Variants in ESRRG observed in about 807,000 individuals in gnomAD.
ESRRG encodes estrogen-related receptor gamma.
Under a neutral mutation model 44.0 loss-of-function variants are expected in ESRRG, and 13 were observed. That is an observed-to-expected ratio of 0.30 (90% confidence interval 0.19 to 0.47). The LOEUF (loss-of-function observed/expected upper bound fraction) is 0.47. Ranked by LOEUF, ESRRG falls within the 20% of genes least tolerant of loss-of-function variation. The pLI is 1.00. For missense variants in ESRRG, 395 were observed against 580.6 expected (o/e 0.68, Z 3.29); for synonymous variants, 215 against 214.6 (o/e 1.00, Z -0.02).
chr1:217,014,242 G>A (rs1415386299), intron 1 of ESRRG, among the ~76,000 whole-genome samples: 1 of 152,090 alleles, frequency 6.6e-6, no homozygotes, highest in East Asian at 1.9e-4. Context: ...TGAAGTGGGT[G>A]TTGACTGACA....
intron 2 of ESRRG, among the ~76,000 whole-genome samples, chr1:216,881,973 T>TG (rs1445581342): frequency 2.0e-5 from 3 of 151,844 alleles, no homozygotes; most frequent in African/African-American, 7.3e-5. Flanking sequence ...CACTGGGTTT[T>TG]TTTTTTTTTA....
chr1:216,901,333 A>C (rs1165052437), intron 2 of ESRRG, among the ~76,000 whole-genome samples: 1 of 152,146 alleles, frequency 6.6e-6, no homozygotes, highest in Non-Finnish European at 1.5e-5. Context: ...GATACTTCTC[A>C]GTATGTAACT....
chr1:216,837,406 G>A lies in ESRRG; in HGVS notation c.-14+102176C>T, dbSNP rs1011017750. 1.9e-3 allele frequency among the ~76,000 whole-genome samples: 108 copies of A among 56,584 alleles called. 1 individual carries two copies. The highest frequency in any genetic ancestry group is 0.012 in the Admixed American group (67 of 5,442). 37.1% of individuals were successfully genotyped at this position (56,584 alleles called of 152,430 possible). A position where few individuals can be genotyped will look rare whatever the true frequency, so the allele number is the denominator to read the frequency against. On this transcript the variant is annotated intron_variant, in intron 2 of 7. Transcript: ENST00000359162. ...AGCCTGGGCAACACAGCAAGACTCC[G>A]TATCAAAAAAAAAATACAACTTTTT... is the stretch of plus-strand genomic sequence containing the variant.
chr1:216,557,871 A>T (rs954979881), intron 5 of ESRRG, among the ~76,000 whole-genome samples: 1 of 152,150 alleles, frequency 6.6e-6, no homozygotes. Flanking sequence ...ACACTCAAAT[A>T]CTTAAATTGC....
chr1:216,880,562 C>A (rs974498956), intron 2 of ESRRG, among the ~76,000 whole-genome samples: 2 of 152,018 alleles, frequency 1.3e-5, no homozygotes, highest in African/African-American at 2.4e-5. Context: ...TTCAACACTG[C>A]ATTCATAATT....
intron 1 of ESRRG, among the ~76,000 whole-genome samples, chr1:217,080,973 G>A (rs2091717108): frequency 6.6e-6 from 1 of 151,794 alleles, no homozygotes; most frequent in African/African-American, 2.4e-5. Flanking sequence ...CACCGCGCCT[G>A]ACCCCAGTTT....
chr1:217,085,289 G>T (rs373998887), intron 1 of ESRRG, among the ~76,000 whole-genome samples: 10 of 152,032 alleles, frequency 6.6e-5, no homozygotes, highest in African/African-American at 2.4e-4. Context: ...TGTGTGTATT[G>T]ACCTTCTATT....
At chr1:216,676,718 C>T (rs1207242894) in intron 2 of ESRRG, among the ~76,000 whole-genome samples, 1 of 152,138 alleles carries the variant, frequency 6.6e-6, no homozygotes, top group Admixed American at 6.6e-5. Flanking sequence ...TATTTCCATG[C>T]ATCTGTAAGA....
At chr1:216,645,586 G>A (rs1036242943) in intron 3 of ESRRG, among the ~76,000 whole-genome samples, 11 of 151,808 alleles carry the variant, frequency 7.2e-5, no homozygotes, top group African/African-American at 1.5e-4. Context: ...AAACTAAAGC[G>A]TAGGCCCAGG....
intron 2 of ESRRG, among the ~76,000 whole-genome samples, chr1:216,754,889 G>A (rs1487031950): frequency 6.6e-6 from 1 of 151,610 alleles, no homozygotes; most frequent in Non-Finnish European, 1.5e-5. Context: ...CACAGATGGG[G>A]AATGCATCCA....
intron 2 of ESRRG, among the ~76,000 whole-genome samples, chr1:216,730,436 C>T (rs1161888248): frequency 1.3e-5 from 2 of 151,920 alleles, no homozygotes; most frequent in Non-Finnish European, 2.9e-5. Context: ...CTTTTATAAG[C>T]ACATTTTAAC....
intron 1 of ESRRG, among the ~76,000 whole-genome samples, chr1:216,992,687 A>T (rs1434570354): frequency 2.0e-5 from 3 of 152,224 alleles, no homozygotes; most frequent in African/African-American, 7.2e-5. Flanking sequence ...ATAGATATCA[A>T]ATTCCAATAT....
At chr1:216,762,836 A>G (rs2092868854) in intron 2 of ESRRG, among the ~76,000 whole-genome samples, 2 of 152,230 alleles carry the variant, frequency 1.3e-5, no homozygotes, top group African/African-American at 4.8e-5. Context: ...ACACTTCCCC[A>G]AAGGAAAGGG....
chr1:216,936,142 G>T (rs2064113969), intron 2 of ESRRG, among the ~76,000 whole-genome samples: 1 of 152,042 alleles, frequency 6.6e-6, no homozygotes, highest in South Asian at 2.1e-4. Context: ...AAGGGATAAA[G>T]AGCTCTGTAG....
chr1:216,632,982 G>C (rs1195719624), intron 3 of ESRRG, among the ~76,000 whole-genome samples: 1 of 152,070 alleles, frequency 6.6e-6, no homozygotes. Flanking sequence ...TCTTTTTTAA[G>C]AGGAAGAGAG....
intron 2 of ESRRG, among the ~76,000 whole-genome samples, chr1:216,934,614 A>G (rs985507869): frequency 6.6e-6 from 1 of 152,156 alleles, no homozygotes; most frequent in African/African-American, 2.4e-5. Flanking sequence ...TGTGAGACTT[A>G]CAAAGCCACA....
intron 2 of ESRRG, among the ~76,000 whole-genome samples, chr1:216,765,385 C>T (rs1273665339): frequency 1.3e-5 from 2 of 152,012 alleles, no homozygotes; most frequent in Non-Finnish European, 2.9e-5. Flanking sequence ...GTTGGATGCT[C>T]ACAACAGCCT....
At chr1:216,865,771 A>G (rs1366310992) in intron 2 of ESRRG, among the ~76,000 whole-genome samples, 6 of 152,206 alleles carry the variant, frequency 3.9e-5, no homozygotes, top group African/African-American at 1.4e-4. Context: ...TGTCTTTTAC[A>G]ATGGCATTCC....
intron 3 of ESRRG, among the ~76,000 whole-genome samples, chr1:216,589,035 C>A (rs1416234955): frequency 2.0e-5 from 3 of 152,004 alleles, no homozygotes; most frequent in Admixed American, 6.6e-5. Flanking sequence ...AAACAGTGCA[C>A]CTGACCAAAA....
Sources: allele counts gnomAD v4.1 joint callset (sites outside exome capture counted in the v4.1 genomes callset), GRCh38; gene constraint gnomAD v4.1.1; transcripts MANE v1.5; gene names NCBI Gene and HGNC (gene_info 2026-07-23, HGNC 2026-07-21).